The following GMDS variants were observed in gnomAD, a reference collection of about 807,000 sequenced individuals.
GMDS encodes the protein GDP-mannose 4,6 dehydratase.
Under a neutral mutation model 49.9 loss-of-function variants are expected in GMDS, and 20 were observed. The observed-to-expected ratio is 0.40, with a 90% CI of 0.28 to 0.58. The LOEUF is 0.58. Ranked by LOEUF, GMDS falls within the 20% of genes least tolerant of loss-of-function variation. The pLI is 0.42. For missense variants in GMDS, 362 were observed against 481.4 expected, an observed-to-expected ratio of 0.75 and a Z score of 2.32; for synonymous variants, 177 against 178.6, an observed-to-expected ratio of 0.99 and a Z score of 0.07.
At chr6:1,962,063 C>G (rs74447870) in intron 4 of GMDS, among the ~76,000 whole-genome samples, 2,170 of 152,292 alleles carry the variant, frequency 0.014, 48 homozygotes, top group African/African-American at 0.047. Flanking sequence ...TTATTCTTTT[C>G]TAATAACAGT....
intron 7 of GMDS, among the ~76,000 whole-genome samples, chr6:1,901,568 A>G (rs945943145): frequency 5.3e-5 from 8 of 152,232 alleles, no homozygotes; most frequent in African/African-American, 1.7e-4. Flanking sequence ...GGATCCAAAT[A>G]CAAAGAGTTA....
intron 4 of GMDS, among the ~76,000 whole-genome samples, chr6:1,989,188 C>A (rs989889533): frequency 3.3e-5 from 5 of 152,210 alleles, no homozygotes; most frequent in African/African-American, 1.2e-4. Context: ...TAATGCAATA[C>A]TTTCCAAGAC....
At chr6:2,149,239 T>C (rs990055874) in intron 1 of GMDS, among the ~76,000 whole-genome samples, 11 of 152,212 alleles carry the variant, frequency 7.2e-5, no homozygotes, top group African/African-American at 2.4e-4. Context: ...GGAAAAATCA[T>C]TGAACAGCCA....
At chr6:1,891,806 G>C (rs934719456) in intron 7 of GMDS, among the ~76,000 whole-genome samples, 1 of 152,136 alleles carries the variant, frequency 6.6e-6, no homozygotes, top group Non-Finnish European at 1.5e-5. Context: ...TCATTCCTAT[G>C]CACACTAGAA....
chr6:2,105,248 A>G (rs2127490160), intron 4 of GMDS, among the ~76,000 whole-genome samples: 1 of 152,188 alleles, frequency 6.6e-6, no homozygotes, highest in Non-Finnish European at 1.5e-5. Context: ...ATTTAATATA[A>G]AGCAAATGCA....
chr6:1,749,515 C>T (rs578168299), intron 7 of GMDS, among the ~76,000 whole-genome samples: 234 of 152,044 alleles, frequency 1.5e-3, no homozygotes, highest in Middle Eastern at 3.4e-3. Flanking sequence ...ATCACTTGAA[C>T]CCTGGAGGCG....
chr6:1,700,565 C>A (rs369833655), intron 9 of GMDS, among the ~76,000 whole-genome samples: 1 of 152,132 alleles, frequency 6.6e-6, no homozygotes, highest in Non-Finnish European at 1.5e-5. Context: ...AGGAGCTGCA[C>A]GGCCACATTT....
At chr6:2,011,963 C>G (rs1767588407) in intron 4 of GMDS, among the ~76,000 whole-genome samples, 1 of 152,112 alleles carries the variant, frequency 6.6e-6, no homozygotes, top group Non-Finnish European at 1.5e-5. Flanking sequence ...TCTTTTCTAG[C>G]AATGTGTATG....
intron 4 of GMDS, among the ~76,000 whole-genome samples, chr6:2,056,226 A>T (rs1459539826): frequency 1.3e-5 from 2 of 152,226 alleles, no homozygotes; most frequent in Non-Finnish European, 2.9e-5. Context: ...AAGCTCTACA[A>T]GATAGATACT....
chr6:1,659,210 CTTT>C (rs564150050), intron 9 of GMDS, among the ~76,000 whole-genome samples: 1 of 138,982 alleles, frequency 7.2e-6, no homozygotes. Context: ...GTGGCAGGGC[CTTT>C]TTTTTTTTTT....
intron 1 of GMDS, among the ~76,000 whole-genome samples, chr6:2,236,648 G>T (rs1024021529): frequency 6.6e-6 from 1 of 152,134 alleles, no homozygotes; most frequent in African/African-American, 2.4e-5. Flanking sequence ...TAAAAATATA[G>T]TTCGAATAAA....
chr6:1,933,907 G>A (rs535519647), intron 6 of GMDS, among the ~76,000 whole-genome samples: 3 of 152,036 alleles, frequency 2.0e-5, no homozygotes, highest in Non-Finnish European at 4.4e-5. Flanking sequence ...GTCTACATTC[G>A]CTTGTGTGGC....
intron 7 of GMDS, among the ~76,000 whole-genome samples, chr6:1,820,861 T>C (rs1386223280): frequency 6.6e-6 from 1 of 152,238 alleles, no homozygotes; most frequent in African/African-American, 2.4e-5. Flanking sequence ...GAGATTTCTC[T>C]GCCTACAACA....
At chr6:1,876,071 C>T (rs1755657534) in intron 7 of GMDS, among the ~76,000 whole-genome samples, 1 of 149,032 alleles carries the variant, frequency 6.7e-6, no homozygotes, top group South Asian at 2.1e-4. Flanking sequence ...ATGCAGTCTT[C>T]TACTATATCT....
chr6:2,132,147 T>C (rs765790113), intron 1 of GMDS, among the ~76,000 whole-genome samples: 1 of 152,214 alleles, frequency 6.6e-6, no homozygotes, highest in East Asian at 1.9e-4. Context: ...TAATAGTTAG[T>C]AGGTAGAACA....
intron 9 of GMDS, among the ~76,000 whole-genome samples, chr6:1,725,547 C>A (rs1008790172): frequency 1.4e-4 from 22 of 152,190 alleles, no homozygotes; most frequent in African/African-American, 4.3e-4. Context: ...GATTCTCCTG[C>A]CTCAGCCTCC....
intron 4 of GMDS, among the ~76,000 whole-genome samples, chr6:2,052,170 C>T (rs1024162796): frequency 1.4e-5 from 2 of 146,778 alleles, no homozygotes; most frequent in South Asian, 4.4e-4. Flanking sequence ...GCTAAAATCT[C>T]CTGCTATGTT....
intron 1 of GMDS, among the ~76,000 whole-genome samples, chr6:2,127,679 G>C (rs1775525799): frequency 6.6e-6 from 1 of 152,248 alleles, no homozygotes; most frequent in South Asian, 2.1e-4. Flanking sequence ...AGCCGAGCGA[G>C]GGCTCCTGGT....
At chr6:1,827,110 G>C (rs909250639) in intron 7 of GMDS, among the ~76,000 whole-genome samples, 5 of 146,082 alleles carry the variant, frequency 3.4e-5, no homozygotes, top group African/African-American at 1.3e-4. Flanking sequence ...GTGTGTGTGT[G>C]TGTGTGTGTG....
Sources: gnomAD v4.1 joint callset for allele counts (sites outside exome capture counted in the v4.1 genomes callset) on GRCh38, gnomAD v4.1.1 for gene constraint, MANE v1.5 for transcripts, NCBI Gene and HGNC (gene_info 2026-07-23, HGNC 2026-07-21) for gene names.